The following MAGT1 variants were observed in gnomAD, a reference collection of about 807,000 sequenced individuals.
MAGT1 encodes dolichyl-diphosphooligosaccharide--protein glycosyltransferase subunit MAGT1.
In MAGT1, 4 loss-of-function variants were observed where a neutral mutation model predicts 28.4. That is an observed-to-expected ratio of 0.14 (90% confidence interval 0.07 to 0.32). The LOEUF is 0.32. Among genes scored for constraint, MAGT1 ranks in the 10% least tolerant of loss-of-function variants. MAGT1 has a pLI of 1.00. For synonymous variants in MAGT1, 89 were observed against 89.7 expected, an observed-to-expected ratio of 0.99 and a Z score of 0.04; for missense variants, 193 against 264.5, an observed-to-expected ratio of 0.73 and a Z score of 1.88.
chrX:77,837,127 T>C (rs1322477495), intron 8 of MAGT1, among the ~76,000 whole-genome samples: 3 of 111,534 alleles, frequency 2.7e-5, no homozygotes, highest in Admixed American at 1.9e-4. Context: ...TAAGTTCATG[T>C]CAGTAATGTA....
At chrX:77,837,217 C>A (rs1242619442) in intron 8 of MAGT1, 1 of 110,521 alleles carries the variant, frequency 9.0e-6, no homozygotes, top group Non-Finnish European at 1.9e-5. Context: ...GCCATAGCAC[C>A]CTGAACGCGC....
intron 8 of MAGT1, among the ~76,000 whole-genome samples, chrX:77,838,982 C>T (rs1174514591): frequency 9.1e-6 from 1 of 110,135 alleles, no homozygotes; most frequent in Non-Finnish European, 1.9e-5. Flanking sequence ...AAAACAGATA[C>T]ATATTAATGA....
intron 6 of MAGT1, 42 bp downstream of exon 6, chrX:77,855,459 A>T (rs1000903834): frequency 5.7e-5 from 55 of 965,459 alleles, no homozygotes; most frequent in Non-Finnish European, 8.2e-5. Flanking sequence ...TCATTGAGTT[A>T]ACTTTGGTCT....
At chrX:77,871,034 G>A in intron 2 of MAGT1, 109 bp from the exon 3 acceptor site, 1 of 566,236 alleles carries the variant, frequency 1.8e-6, no homozygotes, top group Non-Finnish European at 3.1e-6. Context: ...TTTTCCAATG[G>A]GAGAAATAAT....
intron 1 of MAGT1, among the ~76,000 whole-genome samples, chrX:77,880,732 T>C (rs1383459405): frequency 9.2e-6 from 1 of 108,131 alleles, no homozygotes; most frequent in Middle Eastern, 4.3e-3. Context: ...CTGAAGTGGG[T>C]GGATCACTTG....
At chrX:77,849,009 T>C (rs1232948117) in intron 7 of MAGT1, among the ~76,000 whole-genome samples, 1 of 109,839 alleles carries the variant, frequency 9.1e-6, no homozygotes, top group East Asian at 2.8e-4. Context: ...AGATTTCATC[T>C]CTAAAAAAAT....
chrX:77,853,890 T>C lies in MAGT1; in HGVS notation c.826+11A>G. The C allele has an allele frequency of 1.7e-6, 2 of 1,184,092 alleles. No homozygotes were observed. Among genetic ancestry groups the C allele is most frequent in the Non-Finnish European group, 1.1e-6 (1 of 870,304 alleles). On this transcript the variant is annotated intron_variant, in intron 7 of 9. Coordinates refer to ENST00000618282, the MANE Select transcript of MAGT1 (RefSeq NM_001367916.1). ...AAAATACAGCAAGAAAGACTTATTG[T>C]AAAAGGATACTAAACAGAAGAACAA...
At chrX:77,841,737 G>A (rs1051972394) in intron 7 of MAGT1, among the ~76,000 whole-genome samples, 7 of 105,951 alleles carry the variant, frequency 6.6e-5, no homozygotes, top group Non-Finnish European at 1.4e-4. Flanking sequence ...GTGCAGTGAC[G>A]CAATCTCAGC....
chrX:77,843,346 C>T (rs1160859107), intron 7 of MAGT1, among the ~76,000 whole-genome samples: 4 of 111,870 alleles, frequency 3.6e-5, no homozygotes, highest in African/African-American at 1.3e-4. Flanking sequence ...AAGAGATCCT[C>T]CTGCCTCAGC....
intron 2 of MAGT1, among the ~76,000 whole-genome samples, chrX:77,872,989 A>G (rs1223067396): frequency 8.9e-6 from 1 of 112,064 alleles, no homozygotes; most frequent in African/African-American, 3.2e-5. Flanking sequence ...AGATGCCAGT[A>G]AAAACTTAGG....
At chrX:77,876,164 ATTTTTTTTT>A (rs1163646892) in intron 1 of MAGT1, among the ~76,000 whole-genome samples, 4 of 24,968 alleles carry the variant, frequency 1.6e-4, no homozygotes, top group African/African-American at 4.4e-4. Flanking sequence ...ATATATATAT[ATTTTTTTTT>A]TTTTTTTTTT....
rs781838038 is a variant in MAGT1, at chrX:77,829,132, A to G, written c.*88T>C. 4 of 786,586 alleles carry G rather than the reference A, an allele frequency of 5.1e-6. No individual in the cohort carries two copies. The African/African-American group carries it at 6.1e-5, about 12-fold the overall frequency. The allele number at this position is 786,586 out of a possible 1,213,427, so 64.8% of individuals were successfully genotyped here. A position where few individuals can be genotyped will look rare whatever the true frequency, so the allele number is the denominator to read the frequency against. On this transcript the variant is annotated 3_prime_UTR_variant, in exon 10 of 10. Coordinates refer to ENST00000618282, the MANE Select transcript of MAGT1 (RefSeq NM_001367916.1). Reference sequence around the variant, plus strand: ...TTGAAAAAAAGAGGTAATACAAAATATACAAGTTGCATTCTTCTTTTCAAA... The same window carrying G: ...TTGAAAAAAAGAGGTAATACAAAATGTACAAGTTGCATTCTTCTTTTCAAA...
intron 7 of MAGT1, 106 bp from the exon 8 acceptor site, chrX:77,841,426 A>G (rs1569547880): frequency 3.5e-6 from 2 of 569,653 alleles, no homozygotes; most frequent in African/African-American, 4.5e-5. Context: ...ATAAACCTTC[A>G]ACTCTTCATT....
intron 2 of MAGT1, among the ~76,000 whole-genome samples, chrX:77,872,770 T>C (rs182501776): frequency 3.6e-5 from 4 of 112,254 alleles, no homozygotes; most frequent in Non-Finnish European, 7.5e-5. Flanking sequence ...TGGTACTTAA[T>C]CACAAATTGC....
intron 2 of MAGT1, among the ~76,000 whole-genome samples, chrX:77,872,445 T>C (rs2077022852): frequency 8.9e-6 from 1 of 112,294 alleles, no homozygotes; most frequent in African/African-American, 3.2e-5. Flanking sequence ...ACCTTCAGAA[T>C]ACATTCTCTA....
intron 1 of MAGT1, among the ~76,000 whole-genome samples, chrX:77,879,622 G>T (rs2077045350): frequency 9.0e-6 from 1 of 110,703 alleles, no homozygotes; most frequent in African/African-American, 3.3e-5. Flanking sequence ...AGCTACAAGA[G>T]AACAGAGACC....
intron 1 of MAGT1, among the ~76,000 whole-genome samples, chrX:77,880,483 G>A (rs1557218308): frequency 9.1e-6 from 1 of 109,748 alleles, no homozygotes; most frequent in African/African-American, 3.3e-5. Context: ...AGCCGAGACC[G>A]CACCACTGCA....
intron 2 of MAGT1, among the ~76,000 whole-genome samples, chrX:77,874,978 C>A (rs782445525): frequency 9.1e-6 from 1 of 109,458 alleles, no homozygotes; most frequent in East Asian, 2.9e-4. Context: ...CCTCAGCCTC[C>A]CAAATATCTG....
In MAGT1 at chrX:77,826,699, C is replaced by T. The variant is rs902756212; in HGVS notation, c.*2521G>A. On this transcript the variant is annotated 3_prime_UTR_variant, in exon 10 of 10. Coordinates refer to ENST00000618282, the MANE Select transcript of MAGT1 (RefSeq NM_001367916.1). ...ATTGTCATTCTGTCAATGTTCATGA[C>T]AAATTATCTGGAACTATACAGATTA... 1 of 112,417 alleles carries T rather than the reference C, an allele frequency of 8.9e-6. No homozygotes were observed. Among genetic ancestry groups the T allele is most frequent in the Non-Finnish European group, 1.9e-5 (1 of 53,316 alleles). 9.3% of individuals were successfully genotyped at this position (112,417 alleles called of 1,213,427 possible). A position where few individuals can be genotyped will look rare whatever the true frequency, so the allele number is the denominator to read the frequency against.
Sources: gnomAD v4.1 joint callset for allele counts (sites outside exome capture counted in the v4.1 genomes callset) on GRCh38, gnomAD v4.1.1 for gene constraint, MANE v1.5 for transcripts, NCBI Gene and HGNC (gene_info 2026-07-23, HGNC 2026-07-21) for gene names.